TMEM266: variants seen among roughly 807,000 people sequenced by gnomAD.
TMEM266 encodes Hv1 related protein 1.
A neutral mutation model predicts 50.5 loss-of-function variants in TMEM266; 33 were observed. That is an observed-to-expected ratio of 0.65 (90% confidence interval 0.50 to 0.87). TMEM266 has a LOEUF of 0.87. TMEM266 is among the 40% of genes least tolerant of loss of function. The pLI is 0.00. For synonymous variants in TMEM266, 310 were observed against 292.3 expected (o/e 1.06, Z -0.62); for missense variants, 655 against 695.1 (o/e 0.94, Z 0.65).
intron 1 of TMEM266, among the ~76,000 whole-genome samples, chr15:76,132,845 TTATTAC>T (rs1272491892): frequency 4.5e-5 from 6 of 134,744 alleles, no homozygotes; most frequent in Non-Finnish European, 9.3e-5. Context: ...ATTATTATTA[TTATTAC>T]TGGCCAGGCA....
chr15:76,085,717 A>G (rs962093190), intron 1 of TMEM266, among the ~76,000 whole-genome samples: 2 of 152,200 alleles, frequency 1.3e-5, no homozygotes, highest in Admixed American at 6.5e-5. Context: ...GGTATTTAAT[A>G]AAAGAATTGA....
intron 1 of TMEM266, among the ~76,000 whole-genome samples, chr15:76,116,490 C>G (rs1275769444): frequency 6.6e-6 from 1 of 151,942 alleles, no homozygotes; most frequent in African/African-American, 2.4e-5. Context: ...CCCTCCCCCT[C>G]TCCTCCTCTT....
chr15:76,148,048 C>T (rs1182763746), intron 3 of TMEM266, among the ~76,000 whole-genome samples: 1 of 152,232 alleles, frequency 6.6e-6, no homozygotes, highest in African/African-American at 2.4e-5. Context: ...CCGTCCGTCC[C>T]CACCTGCTCA....
At chr15:76,104,124 G>A (rs1188140694) in intron 1 of TMEM266, among the ~76,000 whole-genome samples, 8 of 151,612 alleles carry the variant, frequency 5.3e-5, no homozygotes, top group Non-Finnish European at 1.2e-4. Context: ...GGAGAATAGC[G>A]GGAACCCAGG....
chr15:76,080,226 G>C (rs554770995), intron 1 of TMEM266, among the ~76,000 whole-genome samples: 2 of 148,478 alleles, frequency 1.3e-5, no homozygotes, highest in African/African-American at 5.0e-5. Flanking sequence ...AATTAGCCAG[G>C]CATGGTGGCA....
At chr15:76,124,447 T>C (rs2037389510) in intron 1 of TMEM266, among the ~76,000 whole-genome samples, 1 of 152,186 alleles carries the variant, frequency 6.6e-6, no homozygotes, top group Non-Finnish European at 1.5e-5. Context: ...TAATTCATAT[T>C]ATTGAAATGT....
chr15:76,133,593 G>C (rs1288491985), intron 1 of TMEM266, among the ~76,000 whole-genome samples: 2 of 152,160 alleles, frequency 1.3e-5, no homozygotes, highest in Non-Finnish European at 2.9e-5. Flanking sequence ...ACTGAGGATG[G>C]GGGTGTAAGT....
At chr15:76,063,463 C>T (rs567731410) in intron 1 of TMEM266, among the ~76,000 whole-genome samples, 1 of 152,302 alleles carries the variant, frequency 6.6e-6, no homozygotes, top group African/African-American at 2.4e-5. Context: ...GCCCCAGGCC[C>T]TTAGCACTAA....
At chr15:76,070,861 C>T (rs1383435699) in intron 1 of TMEM266, among the ~76,000 whole-genome samples, 1 of 152,154 alleles carries the variant, frequency 6.6e-6, no homozygotes, top group East Asian at 1.9e-4. Flanking sequence ...TCCTCCAATG[C>T]TAGGCCACCA....
At chr15:76,072,161 G>C (rs181746112) in intron 1 of TMEM266, among the ~76,000 whole-genome samples, 1 of 152,132 alleles carries the variant, frequency 6.6e-6, no homozygotes, top group African/African-American at 2.4e-5. Context: ...TGGACCGGCC[G>C]GGTGCGGTGG....
At chr15:76,155,904 A>T (rs2037916577) in intron 3 of TMEM266, among the ~76,000 whole-genome samples, 1 of 152,338 alleles carries the variant, frequency 6.6e-6, no homozygotes, top group East Asian at 1.9e-4. Context: ...GCCAGAGCCC[A>T]TGTCACCGCA....
In TMEM266 at chr15:76,139,314, C is replaced by T. The variant is rs926245379; in HGVS notation, c.227+1419C>T. Among the ~76,000 whole-genome samples the T allele has an allele frequency of 1.3e-5, 2 of 152,050 alleles. No individual in the cohort carries two copies. The highest frequency in any genetic ancestry group is 2.4e-5 in the African/African-American group (1 of 41,382). Reference sequence around the variant, plus strand: ...GCTTTCTCTGAAAATATAATTTTTCCAAGTATTATGCATATTGTCATCAGG... The same window carrying T: ...GCTTTCTCTGAAAATATAATTTTTCTAAGTATTATGCATATTGTCATCAGG... On this transcript the variant is annotated intron_variant, in intron 3 of 10. Coordinates refer to ENST00000388942, the MANE Select transcript of TMEM266 (RefSeq NM_152335.3). This position sits in a 1 kb window ranked among gnomAD's most constrained non-coding sequence, Gnocchi z 4.1.
At chr15:76,103,661 C>G (rs2037037380) in intron 1 of TMEM266, among the ~76,000 whole-genome samples, 3 of 152,156 alleles carry the variant, frequency 2.0e-5, no homozygotes, top group African/African-American at 7.2e-5. Context: ...CCTGTAATCC[C>G]AGCACTTTGG....
intron 1 of TMEM266, among the ~76,000 whole-genome samples, chr15:76,109,462 C>T (rs2037134050): frequency 6.6e-6 from 1 of 152,240 alleles, no homozygotes; most frequent in Non-Finnish European, 1.5e-5. Context: ...TTTAAAGACT[C>T]CGCATGCTTG....
At chr15:76,107,870 C>T (rs2037107739) in intron 1 of TMEM266, among the ~76,000 whole-genome samples, 1 of 152,208 alleles carries the variant, frequency 6.6e-6, no homozygotes, top group South Asian at 2.1e-4. Flanking sequence ...ATTCCATATC[C>T]TTCTGTCATC....
chr15:76,139,953 A>C lies in TMEM266; in HGVS notation c.227+2058A>C, dbSNP rs1346546066. On this transcript the variant is annotated intron_variant, in intron 3 of 10. Coordinates refer to ENST00000388942, the MANE Select transcript of TMEM266 (RefSeq NM_152335.3). The surrounding 1 kb of genome is among the most constrained non-coding windows in gnomAD (Gnocchi z 4.1). ...TTTCAGGGGTCCTGTGCTGTGGTGT[A>C]CCCCTTTCCAGGTATCCCCTGTGTA... Among the ~76,000 whole-genome samples the C allele has an allele frequency of 1.3e-5, 2 of 152,116 alleles. No homozygotes were observed. Among genetic ancestry groups the C allele is most frequent in the Admixed American group, 6.5e-5 (1 of 15,278 alleles).
chr15:76,083,828 A>G (rs2036731592), intron 1 of TMEM266, among the ~76,000 whole-genome samples: 2 of 152,212 alleles, frequency 1.3e-5, no homozygotes, highest in Admixed American at 6.5e-5. Context: ...CCATCATCAA[A>G]CAGTGGTAGA....
rs1045911513 is a variant in TMEM266, at chr15:76,203,965, G to A, written c.1246G>A (p.Glu416Lys). ...CTCCATGGACTGCAGCACTGCCCGC[G>A]AGGAGCCGTCCTCTGAGCCCGGCCC... Residue 416 changes from glutamate (E) to lysine (K), a missense_variant, in exon 11 of 11, where the codon GAG (glutamate) becomes AAG (lysine). Around this residue, in one of 3 missense-constraint regions of TMEM266, gnomAD observed 455 missense variants for 401.8 expected, o/e 1.13. Transcript: ENST00000388942. The A allele has an allele frequency of 1.1e-5, 17 of 1,611,914 alleles. No homozygotes were observed. Among genetic ancestry groups the A allele is most frequent in the Middle Eastern group, 1.6e-4 (1 of 6,074 alleles).
chr15:76,141,739 C>A (rs1240089436), intron 3 of TMEM266, among the ~76,000 whole-genome samples: 1 of 152,182 alleles, frequency 6.6e-6, no homozygotes, highest in Non-Finnish European at 1.5e-5. Context: ...CAGTAGCTTC[C>A]TGTTCCCCCA....
Sources: gnomAD v4.1 joint callset for allele counts (sites outside exome capture counted in the v4.1 genomes callset) on GRCh38, gnomAD v4.1.1 for gene constraint, gnomAD v4.1.1 regional missense constraint, Gnocchi (gnomAD v3.1) non-coding constraint, MANE v1.5 for transcripts, NCBI Gene and HGNC (gene_info 2026-07-23, HGNC 2026-07-21) for gene names.